ZFYVE26: variants seen among roughly 807,000 people sequenced by gnomAD.
ZFYVE26 encodes the protein zinc finger FYVE domain-containing protein 26.
A neutral mutation model predicts 276.5 loss-of-function variants in ZFYVE26; 181 were observed. The ratio of observed to expected loss-of-function variants is 0.65; its 90% CI spans 0.58 to 0.74. The LOEUF (loss-of-function observed/expected upper bound fraction) is 0.74. Ranked by LOEUF, ZFYVE26 falls within the 30% of genes least tolerant of loss-of-function variation. The probability of loss-of-function intolerance (pLI) is 0.00; values close to 1 mark genes in which losing one functional copy is unlikely to be tolerated. For synonymous variants in ZFYVE26, 1,129 were observed against 1,203.1 expected, an observed-to-expected ratio of 0.94 and a Z score of 1.27; for missense variants, 2,821 against 3,097.9, an observed-to-expected ratio of 0.91 and a Z score of 2.12.
intron 13 of ZFYVE26, among the ~76,000 whole-genome samples, chr14:67,735,606 A>G (rs1232877518): frequency 6.6e-6 from 1 of 152,138 alleles, no homozygotes; most frequent in East Asian, 1.9e-4. Context: ...CCCTCAACAT[A>G]CAGGAAACAA....
rs1566892978 is a variant in ZFYVE26, at chr14:67,798,244, C to T, written c.2018G>A (p.Ser673Asn). The T allele has an allele frequency of 6.2e-7, 1 of 1,614,208 alleles. No homozygotes were observed. The highest frequency in any genetic ancestry group is 8.5e-7 in the Non-Finnish European group (1 of 1,180,036). The change falls in exon 11 of 42, where the codon AGT becomes AAT. Residue 673 changes from serine (S) to asparagine (N), a missense_variant. Ser to Asn is a conservative substitution (Grantham distance 46). Transcript: ENST00000347230. ...HSFLDLKHFT[S>N]GISGFLADEF... ...ATCAGCCAGAAATCCACTGATACCA[C>T]TAGTAAAGTGTTTTAAGTCCAAAAA...
At chr14:67,792,501 C>G (rs1242752276) in intron 14 of ZFYVE26, among the ~76,000 whole-genome samples, 2 of 152,078 alleles carry the variant, frequency 1.3e-5, no homozygotes, top group Admixed American at 1.3e-4. Flanking sequence ...ATGAGGAAAC[C>G]AAAGCTCAGA....
Position 67,777,748 on chromosome 14 carries a change from G to T in ZFYVE26, c.4798-13C>A, listed in dbSNP as rs760984661. On this transcript the variant is annotated splice_polypyrimidine_tract_variant and intron_variant, in intron 24 of 41. Coordinates refer to ENST00000347230, the MANE Select transcript of ZFYVE26 (RefSeq NM_015346.4). ...TTCTTCGCAGGAGCTATTGTCAAAG[G>T]GTAGAGGAGGAAGGTGTGGCCTGCA... 6.2e-7 allele frequency: 1 copy of T among 1,614,160 alleles called. No homozygotes were observed. Among genetic ancestry groups the T allele is most frequent in the South Asian group, 1.1e-5 (1 of 91,074 alleles).
chr14:67,781,607 A>G (rs561586612), intron 21 of ZFYVE26, 78 bp from the exon 22 acceptor site: 4 of 1,359,702 alleles, frequency 2.9e-6, no homozygotes, highest in Non-Finnish European at 4.2e-6. Context: ...CTTCTTGAGA[A>G]AGGGCTTTCT....
rs2140243463 is a variant in ZFYVE26, at chr14:67,798,595, A to G, written c.1667T>C (p.Leu556Pro). ...GCACAGATACTGTTGACACCTGGCC[A>G]GGTAAGTTGAGAAGAGATTTGCAGC... Reference protein sequence around the residue: ...PGAANLFSTYLARCQQYLCSI... With the variant: ...PGAANLFSTYPARCQQYLCSI... Residue 556 changes from leucine (L) to proline (P), a missense_variant, in exon 11 of 42, where the codon CTG becomes CCG. Physicochemically the swap from Leu to Pro is moderately conservative, Grantham distance 98. Coordinates refer to ENST00000347230, the MANE Select transcript of ZFYVE26 (RefSeq NM_015346.4). 6.2e-7 allele frequency: 1 copy of G among 1,614,050 alleles called. No individual in the cohort carries two copies. Among genetic ancestry groups the G allele is most frequent in the Non-Finnish European group, 8.5e-7 (1 of 1,180,042 alleles).
intron 18 of ZFYVE26, 149 bp downstream of exon 18, chr14:67,785,709 G>A (rs1180733178): frequency 8.6e-6 from 9 of 1,050,446 alleles, no homozygotes; most frequent in South Asian, 1.3e-5. Context: ...GTTAAGTTAC[G>A]AGACATTGAG....
chr14:67,786,155 C>T lies in ZFYVE26; in HGVS notation c.3098G>A (p.Ser1033Asn), dbSNP rs147215333. 3.1e-6 allele frequency: 5 copies of T among 1,610,372 alleles called. No individual in the cohort carries two copies. Among genetic ancestry groups the T allele is most frequent in the Non-Finnish European group, 4.2e-6 (5 of 1,178,816 alleles). ...FPVVLQQISKSLNYLLMSASQ... is the reference protein window; with the variant it reads ...FPVVLQQISKNLNYLLMSASQ... ...GGCTGACATAAGCAGATAATTGAGA[C>T]TCTTACTGATTTGCTGAAGAACAAC... Residue 1033 changes from serine to asparagine, a missense_variant, in exon 17 of 42, where the codon AGT becomes AAT. By Grantham distance (46) the Ser-to-Asn change is conservative (BLOSUM62 1). Transcript: ENST00000347230.
rs553431163 is a variant in ZFYVE26 at position 67,729,929 on chromosome 14, C to T, written n.2680-110G>A. 13 of 413,952 alleles carry T rather than the reference C, an allele frequency of 3.1e-5. No individual in the cohort carries two copies. The Admixed American group carries it at 3.3e-4, about 11-fold the overall frequency. 25.6% of individuals were successfully genotyped at this position (413,952 alleles called of 1,614,324 possible). ...CCCAGGGTGAAATCTCTTTCCCATT[C>T]CATGACAGAATCCAGCCCTGTCTGC... On this transcript the variant is annotated intron_variant and non_coding_transcript_variant, in intron 13 of 14. Coordinates refer to the ZFYVE26 transcript ENST00000394455.
At chr14:67,815,140 G>T (rs1010017831) in intron 2 of ZFYVE26, among the ~76,000 whole-genome samples, 1 of 152,038 alleles carries the variant, frequency 6.6e-6, no homozygotes, top group Non-Finnish European at 1.5e-5. Context: ...TATTACAGTG[G>T]GATTACATGA....
chr14:67,810,282 G>C (rs187368212), intron 3 of ZFYVE26, among the ~76,000 whole-genome samples: 1 of 152,112 alleles, frequency 6.6e-6, no homozygotes, highest in Non-Finnish European at 1.5e-5. Context: ...AGCCTGGGAG[G>C]GTATGGCCCA....
chr14:67,733,155 G>A (rs1197105459), intron 13 of ZFYVE26, among the ~76,000 whole-genome samples: 4 of 151,910 alleles, frequency 2.6e-5, no homozygotes, highest in African/African-American at 9.7e-5. Flanking sequence ...AAAAAAACAT[G>A]ATGAGAACTG....
chr14:67,794,270 A>C, intron 12 of ZFYVE26, 31 bp from the exon 13 acceptor site: 1 of 1,601,750 alleles, frequency 6.2e-7, no homozygotes. Context: ...AGAGAAAGTC[A>C]ATTATCAGCT....
At chr14:67,729,013 T>C (rs960097230) in intron 14 of ZFYVE26, among the ~76,000 whole-genome samples, 2 of 152,188 alleles carry the variant, frequency 1.3e-5, no homozygotes, top group Non-Finnish European at 2.9e-5. Context: ...TATAGATCTT[T>C]CTGAAAGATC....
chr14:67,802,089 G>C lies in ZFYVE26; in HGVS notation c.1629C>G (p.Leu543=). Residue 543 remains leucine, a synonymous_variant, in exon 10 of 42, where the codon CTC becomes CTG. Coordinates refer to ENST00000347230, the MANE Select transcript of ZFYVE26 (RefSeq NM_015346.4). ...ASATEPANDS[L]SSPGAANLFS... is the part of the protein sequence containing the mutation. ...AGGGAAGTGCTGTACCTGGGGAGGA[G>C]AGAGAGTCATTCGCTGGCTCTGTAG... is the stretch of plus-strand genomic sequence containing the variant. The C allele has an allele frequency of 6.2e-7, 1 of 1,612,948 alleles. No individual in the cohort carries two copies. The highest frequency in any genetic ancestry group is 8.5e-7 in the Non-Finnish European group (1 of 1,180,016).
intron 14 of ZFYVE26, 57 bp from the exon 15 acceptor site, chr14:67,790,830 C>T (rs1594922808): frequency 1.2e-5 from 18 of 1,521,870 alleles, no homozygotes; most frequent in Non-Finnish European, 9.1e-7. Context: ...TAGGGAATGT[C>T]CATGGATAGG....
At chr14:67,799,538 A>G (rs2040036884) in intron 10 of ZFYVE26, 2 of 1,564,544 alleles carry the variant, frequency 1.3e-6, no homozygotes, top group Admixed American at 1.7e-5. Context: ...TCTGGCTCAG[A>G]TGGAAGCAAA....
chr14:67,739,100 C>A (rs2038385286), intron 13 of ZFYVE26, among the ~76,000 whole-genome samples: 1 of 152,184 alleles, frequency 6.6e-6, no homozygotes, highest in South Asian at 2.1e-4. Flanking sequence ...GTGGCTCAAT[C>A]ATGGCCGGTG....
At position 67,791,786 on chromosome 14, in the gene ZFYVE26, G is replaced by A. The variant is rs781734591; in HGVS notation, c.2554-1013C>T. 4.7e-5 allele frequency among the ~76,000 whole-genome samples: 7 copies of A among 148,258 alleles called. 1 individual carries two copies. Among genetic ancestry groups the A allele is most frequent in the South Asian group, 4.3e-4 (2 of 4,650 alleles). On this transcript the variant is annotated intron_variant, in intron 14 of 41. Coordinates refer to ENST00000347230, the MANE Select transcript of ZFYVE26 (RefSeq NM_015346.4). ...TTAGAAAGGCTGGGGAGGGGCTGGC[G>A]TGGTGGCTCGTGCCTGTAATCCCAG...
intron 4 of ZFYVE26, among the ~76,000 whole-genome samples, chr14:67,808,841 A>C (rs73280424): frequency 0.015 from 2,285 of 152,268 alleles, 60 homozygotes; most frequent in African/African-American, 0.051. Context: ...TTAAGACTTA[A>C]TTTGAATCTA....
Sources: allele counts gnomAD v4.1 joint callset (sites outside exome capture counted in the v4.1 genomes callset), GRCh38; gene constraint gnomAD v4.1.1; transcripts MANE v1.5; gene names NCBI Gene and HGNC (gene_info 2026-07-23, HGNC 2026-07-21).